FHIT: variants seen among roughly 807,000 people sequenced by gnomAD.
FHIT encodes fragile histidine triad diadenosine triphosphatase.
In FHIT, 19 loss-of-function variants were observed where a neutral mutation model predicts 17.9. The observed-to-expected ratio is 1.06, with a 90% CI of 0.74 to 1.56. The LOEUF is 1.56. Ranked by LOEUF, FHIT falls within the 40% of genes most tolerant of loss-of-function variation. The probability of loss-of-function intolerance (pLI) is 0.00; values close to 1 mark genes in which losing one functional copy is unlikely to be tolerated. For missense variants in FHIT, 248 were observed against 189.2 expected, an observed-to-expected ratio of 1.31 and a Z score of -1.82; for synonymous variants, 81 against 69.7, an observed-to-expected ratio of 1.16 and a Z score of -0.81.
chr3:59,808,069 TA>T (rs1700272381), intron 8 of FHIT, among the ~76,000 whole-genome samples: 1 of 151,712 alleles, frequency 6.6e-6, no homozygotes, highest in Non-Finnish European at 1.5e-5. Flanking sequence ...CTGCACCCAT[TA>T]AGTGGTAACT....
At chr3:60,501,325 C>G (rs1292184964) in intron 5 of FHIT, among the ~76,000 whole-genome samples, 2 of 152,132 alleles carry the variant, frequency 1.3e-5, no homozygotes, top group Non-Finnish European at 2.9e-5. Context: ...TACATAAACA[C>G]AAAATTTAAA....
At chr3:60,355,308 C>A (rs1225610129) in intron 5 of FHIT, among the ~76,000 whole-genome samples, 5 of 152,114 alleles carry the variant, frequency 3.3e-5, no homozygotes, top group Non-Finnish European at 4.4e-5. Flanking sequence ...ATTATTACTG[C>A]CATCAATTGG....
intron 4 of FHIT, among the ~76,000 whole-genome samples, chr3:60,615,507 T>C (rs73836670): frequency 5.3e-5 from 8 of 152,216 alleles, no homozygotes; most frequent in Admixed American, 3.3e-4. Context: ...GAAATTTAAA[T>C]TGGCTATTCA....
At chr3:60,207,688 C>T (rs1055347147) in intron 5 of FHIT, among the ~76,000 whole-genome samples, 10 of 151,956 alleles carry the variant, frequency 6.6e-5, no homozygotes, top group African/African-American at 2.2e-4. Flanking sequence ...AAGTCAGAAA[C>T]CTATAGAATT....
At chr3:61,228,169 A>C (rs1381290565) in intron 1 of FHIT, among the ~76,000 whole-genome samples, 1 of 147,824 alleles carries the variant, frequency 6.8e-6, no homozygotes, top group South Asian at 2.1e-4. Context: ...GCACTTATAA[A>C]AAAATAATTT....
chr3:60,754,307 C>A (rs1021368832), intron 4 of FHIT, among the ~76,000 whole-genome samples: 1 of 152,160 alleles, frequency 6.6e-6, no homozygotes, highest in Non-Finnish European at 1.5e-5. Context: ...GCAATGTTAT[C>A]CTGATAGTGG....
At chr3:60,068,460 C>G (rs1223242956) in intron 5 of FHIT, among the ~76,000 whole-genome samples, 2 of 152,144 alleles carry the variant, frequency 1.3e-5, no homozygotes, top group African/African-American at 4.8e-5. Context: ...CTCCAGACAT[C>G]ATGTTGGCTC....
At chr3:60,084,376 G>T (rs1278544063) in intron 5 of FHIT, among the ~76,000 whole-genome samples, 2 of 152,066 alleles carry the variant, frequency 1.3e-5, no homozygotes, top group African/African-American at 2.4e-5. Context: ...CTTTACAGAG[G>T]TGCTATTGTC....
At chr3:61,068,042 T>G (rs2034672370) in intron 2 of FHIT, among the ~76,000 whole-genome samples, 1 of 152,226 alleles carries the variant, frequency 6.6e-6, no homozygotes. Flanking sequence ...TCCTCAGAGT[T>G]TCTGATTAAG....
intron 5 of FHIT, among the ~76,000 whole-genome samples, chr3:60,390,429 C>CAAAAAAAAAAAAAAAAAAAAAA (rs138051258): frequency 8.9e-5 from 1 of 11,248 alleles, no homozygotes; most frequent in African/African-American, 1.2e-4. Flanking sequence ...AAAAAAAAAA[C>CAAAAAAAAAAAAAAAAAAAAAA]CCGTACCCTC....
intron 5 of FHIT, among the ~76,000 whole-genome samples, chr3:60,247,211 C>T (rs1052959629): frequency 4.3e-5 from 5 of 116,048 alleles, no homozygotes; most frequent in African/African-American, 1.9e-4. Flanking sequence ...TAAAACTGTT[C>T]TACCAAGTAA....
chr3:60,012,831 A>G (rs2106691314), intron 6 of FHIT, among the ~76,000 whole-genome samples: 1 of 152,332 alleles, frequency 6.6e-6, no homozygotes, highest in Middle Eastern at 3.4e-3. Context: ...TTAACTTTCT[A>G]GTGAAAAATG....
chr3:60,442,989 A>C (rs902364929), intron 5 of FHIT, among the ~76,000 whole-genome samples: 68 of 152,226 alleles, frequency 4.5e-4, no homozygotes, highest in African/African-American at 1.6e-3. Flanking sequence ...GGTCCTTCAC[A>C]TCCCTTGTAA....
chr3:61,228,494 T>C (rs1222485889), intron 1 of FHIT, among the ~76,000 whole-genome samples: 1 of 152,250 alleles, frequency 6.6e-6, no homozygotes, highest in Non-Finnish European at 1.5e-5. Flanking sequence ...TAACTTCATC[T>C]TTGGGTCTTC....
At chr3:60,372,384 T>C (rs1700364723) in intron 5 of FHIT, among the ~76,000 whole-genome samples, 1 of 152,206 alleles carries the variant, frequency 6.6e-6, no homozygotes, top group Non-Finnish European at 1.5e-5. Context: ...GTTAATCTGA[T>C]TGTGGCACAT....
chr3:60,792,293 T>C (rs1021803510), intron 4 of FHIT, among the ~76,000 whole-genome samples: 16 of 152,260 alleles, frequency 1.1e-4, no homozygotes, highest in Non-Finnish European at 2.1e-4. Context: ...TGTTATGCTA[T>C]AAATTACCCT....
chr3:60,139,846 C>A lies in FHIT; in HGVS notation c.104-125694G>T, dbSNP rs1471503427. 2.0e-5 allele frequency among the ~76,000 whole-genome samples: 3 copies of A among 148,478 alleles called. No individual in the cohort carries two copies. The East Asian group carries it at 5.9e-4, about 29-fold the overall frequency. On this transcript the variant is annotated intron_variant, in intron 5 of 9. Coordinates refer to ENST00000492590, the MANE Select transcript of FHIT (RefSeq NM_002012.4). ...AAAAAAAAAAAATGGTTAACTATGG[C>A]CACGCAATGGCTCTCACCTGTAATC...
chr3:60,213,475 C>A (rs1319963656), intron 5 of FHIT, among the ~76,000 whole-genome samples: 1 of 152,194 alleles, frequency 6.6e-6, no homozygotes, highest in African/African-American at 2.4e-5. Context: ...ATTGGACAGA[C>A]CCAAGTCAAG....
chr3:60,574,041 C>G (rs1449255231), intron 4 of FHIT, among the ~76,000 whole-genome samples: 1 of 152,066 alleles, frequency 6.6e-6, no homozygotes, highest in East Asian at 1.9e-4. Context: ...AACTCCTGAC[C>G]TCAAGCGATC....
Sources: allele counts gnomAD v4.1 joint callset (sites outside exome capture counted in the v4.1 genomes callset), GRCh38; gene constraint gnomAD v4.1.1; transcripts MANE v1.5; gene names NCBI Gene and HGNC (gene_info 2026-07-23, HGNC 2026-07-21).